The following PRDM2 variants were observed in gnomAD, a reference collection of about 807,000 sequenced individuals.
PRDM2 encodes the protein PR domain zinc finger protein 2.
A neutral mutation model predicts 130.0 loss-of-function variants in PRDM2; 30 were observed. The observed-to-expected ratio is 0.23, with a 90% CI of 0.17 to 0.31. The LOEUF is 0.31. PRDM2 is among the 10% of genes least tolerant of loss of function. The pLI, the probability that PRDM2 is intolerant of heterozygous loss-of-function variation, is 1.00. For missense variants in PRDM2, 2,011 were observed against 2,108.4 expected (o/e 0.95, Z 0.90); for synonymous variants, 871 against 782.4 (o/e 1.11, Z -1.89).
chr1:13,755,484 T>A (rs1643926072), intron 6 of PRDM2, among the ~76,000 whole-genome samples: 1 of 152,234 alleles, frequency 6.6e-6, no homozygotes, highest in African/African-American at 2.4e-5. Context: ...TGATTAAATT[T>A]TCTAAACTAT....
intron 8 of PRDM2, chr1:13,787,277 A>C (rs1644761585): frequency 1.0e-6 from 1 of 982,482 alleles, no homozygotes; most frequent in Admixed American, 6.1e-5. Context: ...CCAGGCCTGT[A>C]CAGATGTATG....
At chr1:13,800,167 G>A (rs1644984788) in intron 8 of PRDM2, among the ~76,000 whole-genome samples, 1 of 151,972 alleles carries the variant, frequency 6.6e-6, no homozygotes, top group African/African-American at 2.4e-5. Context: ...GAACAAAACT[G>A]TCACAATGTC....
chr1:13,736,978 T>C (rs1643292430), intron 4 of PRDM2, among the ~76,000 whole-genome samples: 1 of 152,366 alleles, frequency 6.6e-6, no homozygotes, highest in East Asian at 1.9e-4. Flanking sequence ...TTTTAAAAGA[T>C]ATATAAACTT....
At position 13,778,623 on chromosome 1, in the gene PRDM2, G is replaced by T. The variant is rs1557645287; in HGVS notation, c.828G>T (p.Glu276Asp). Residue 276 changes from glutamate to aspartate, a missense_variant, in exon 8 of 10, where the codon GAG becomes GAT. Glu to Asp is a conservative substitution (Grantham distance 45). Transcript: ENST00000311066. ...AAGAGGAGGAGGAGGAAGAGGAGGA[G>T]GATGAAGAAGAAGAAGAAGATGATG... ...LGEEEEEEEE[E>D]DEEEEEDDDD... 6.2e-7 allele frequency: 1 copy of T among 1,612,974 alleles called. No individual in the cohort carries two copies. Among genetic ancestry groups the T allele is most frequent in the Non-Finnish European group, 8.5e-7 (1 of 1,179,338 alleles).
intron 8 of PRDM2, chr1:13,786,762 A>C: frequency 7.2e-7 from 1 of 1,381,118 alleles, no homozygotes; most frequent in Non-Finnish European, 9.4e-7. Context: ...TCCAAAGAGA[A>C]GGGCACTGTA....
At chr1:13,742,921 T>C (rs1377613340) in intron 5 of PRDM2, among the ~76,000 whole-genome samples, 1 of 152,198 alleles carries the variant, frequency 6.6e-6, no homozygotes, top group African/African-American at 2.4e-5. Context: ...GTTTCTTCCT[T>C]TCTGCCAAAT....
chr1:13,740,419 A>C (rs556791933), intron 4 of PRDM2, among the ~76,000 whole-genome samples: 1 of 152,342 alleles, frequency 6.6e-6, no homozygotes, highest in Admixed American at 6.5e-5. Flanking sequence ...TTTATGTTGC[A>C]GATGGGGTAA....
chr1:13,757,996 C>T (rs1218443889), intron 6 of PRDM2, among the ~76,000 whole-genome samples: 1 of 151,868 alleles, frequency 6.6e-6, no homozygotes, highest in Non-Finnish European at 1.5e-5. Context: ...GAGGGGCACG[C>T]GTTGATTTCC....
intron 8 of PRDM2, among the ~76,000 whole-genome samples, chr1:13,804,062 T>C (rs1301909979): frequency 1.3e-5 from 2 of 152,130 alleles, no homozygotes; most frequent in Non-Finnish European, 2.9e-5. Flanking sequence ...TATTCACACC[T>C]CTTAAGTACA....
chr1:13,815,467 T>G (rs1645242675), intron 8 of PRDM2, among the ~76,000 whole-genome samples: 1 of 151,954 alleles, frequency 6.6e-6, no homozygotes, highest in African/African-American at 2.4e-5. Context: ...AGGACAAAGA[T>G]CCTGACCTTG....
At position 13,778,608 on chromosome 1, in the gene PRDM2, G is replaced by A. The variant is rs756759484; in HGVS notation, c.813G>A (p.Glu271=). 1.2e-6 allele frequency: 2 copies of A among 1,613,494 alleles called. No individual in the cohort carries two copies. The highest frequency in any genetic ancestry group is 8.5e-7 in the Non-Finnish European group (1 of 1,179,562). The change falls in exon 8 of 10, where the codon GAG becomes GAA. Residue 271 remains glutamate, a synonymous_variant. Coordinates refer to ENST00000311066, the MANE Select transcript of PRDM2 (RefSeq NM_001393986.1). ...CEVNDLGEEE[E]EEEEEDEEEE... ...TGAATGATTTGGGGGAAGAGGAGGA[G>A]GAGGAAGAGGAGGAGGATGAAGAAG...
In PRDM2 at chr1:13,768,974, G is replaced by GT. The variant is rs139260534; in HGVS notation, c.512-4100dup. 8.7e-3 allele frequency: 2,228 copies of GT among 255,716 alleles called. 47 individuals carry two copies. Among genetic ancestry groups the GT allele is most frequent in the African/African-American group, 0.048 (2,102 of 43,344 alleles). The allele number at this position is 255,716 out of a possible 1,614,324, so 15.8% of individuals were successfully genotyped here. On this transcript the variant is annotated intron_variant, in intron 6 of 9. Coordinates refer to ENST00000311066, the MANE Select transcript of PRDM2 (RefSeq NM_001393986.1). ...CACCTTGATGCAGTAGATAACTGCT[G>GT]TTTTCCTTCTGTTGTATTCAATTTC...
At chr1:13,731,261 A>G (rs1643097766) in intron 3 of PRDM2, 144 bp downstream of exon 3, 2 of 658,706 alleles carry the variant, frequency 3.0e-6, no homozygotes, top group South Asian at 1.9e-5. Flanking sequence ...GTGTTGATGC[A>G]TTTTCTAGTC....
intron 4 of PRDM2, among the ~76,000 whole-genome samples, chr1:13,740,729 A>G (rs761629523): frequency 2.0e-5 from 3 of 152,220 alleles, no homozygotes; most frequent in Non-Finnish European, 2.9e-5. Flanking sequence ...AAATGAGATA[A>G]TATGTCAGGC....
At position 13,779,671 on chromosome 1, in the gene PRDM2, A is replaced by G. The variant is rs757919940; in HGVS notation, c.1876A>G (p.Lys626Glu). Residue 626 changes from lysine to glutamate, a missense_variant, in exon 8 of 10, where the codon AAA (lysine) becomes GAA (glutamate). Lys to Glu is a moderately conservative substitution (Grantham distance 56, BLOSUM62 1). Transcript: ENST00000311066. This position sits in a 1 kb window ranked among gnomAD's most constrained non-coding sequence, Gnocchi z 4.9. The part of the protein sequence containing the change: ...TQVPVTEDLP[K>E]EPLGSTNSEA... Reference sequence around the variant, plus strand: ...GGTCCCTGTAACAGAAGATCTTCCTAAAGAGCCTTTGGGCAGCACAAATAG... The same window carrying G: ...GGTCCCTGTAACAGAAGATCTTCCTGAAGAGCCTTTGGGCAGCACAAATAG... The G allele has an allele frequency of 1.9e-6, 3 of 1,614,070 alleles. No individual in the cohort carries two copies. Among genetic ancestry groups the G allele is most frequent in the South Asian group, 2.2e-5 (2 of 91,070 alleles).
chr1:13,815,952 T>C (rs532967680), intron 8 of PRDM2, among the ~76,000 whole-genome samples: 9 of 152,330 alleles, frequency 5.9e-5, no homozygotes, highest in Non-Finnish European at 1.2e-4. Flanking sequence ...CAGGTGTGTT[T>C]GTACTTTGAT....
At chr1:13,730,266 C>T (rs1288798603) in intron 2 of PRDM2, among the ~76,000 whole-genome samples, 1 of 152,184 alleles carries the variant, frequency 6.6e-6, no homozygotes, top group Non-Finnish European at 1.5e-5. Context: ...TCAAATCTCT[C>T]CCTTCCTTAC....
At chr1:13,701,681 C>T (rs1198945051) in intron 1 of PRDM2, among the ~76,000 whole-genome samples, 1 of 152,166 alleles carries the variant, frequency 6.6e-6, no homozygotes, top group Non-Finnish European at 1.5e-5. Context: ...ATTAAACCCC[C>T]TCATTTCGAG....
chr1:13,755,585 A>AT (rs1417609239), intron 6 of PRDM2, among the ~76,000 whole-genome samples: 1 of 152,082 alleles, frequency 6.6e-6, no homozygotes, highest in Non-Finnish European at 1.5e-5. Flanking sequence ...AAAAAACCTA[A>AT]TTTCCTGTGT....
Sources: gnomAD v4.1 joint callset for allele counts (sites outside exome capture counted in the v4.1 genomes callset) on GRCh38, gnomAD v4.1.1 for gene constraint, Gnocchi (gnomAD v3.1) non-coding constraint, MANE v1.5 for transcripts, NCBI Gene and HGNC (gene_info 2026-07-23, HGNC 2026-07-21) for gene names.